ADORA2B: variants seen among roughly 807,000 people sequenced by gnomAD.
ADORA2B encodes adenosine receptor A2b.
Under a neutral mutation model 20.8 loss-of-function variants are expected in ADORA2B, and 18 were observed. That is an observed-to-expected ratio of 0.87 (90% CI 0.60 to 1.29). The LOEUF is 1.29. Ranked by LOEUF, ADORA2B falls within the 50% of genes most tolerant of loss-of-function variation. The pLI is 0.00. For missense variants in ADORA2B, 441 were observed against 422.7 expected (o/e 1.04, Z -0.38); for synonymous variants, 179 against 178.3 (o/e 1.00, Z -0.03).
At chr17:15,871,809 C>A in the ADORA2B span, among the ~76,000 whole-genome samples, 5 of 152,158 alleles carry the variant, frequency 3.3e-5, no homozygotes, top group Non-Finnish European at 7.3e-5. Context: ...TAACGCCCTG[C>A]GCCTTTTCCC....
the ADORA2B span, among the ~76,000 whole-genome samples, chr17:15,872,296 G>A: frequency 0.01 from 1,569 of 152,288 alleles, 34 homozygotes; most frequent in African/African-American, 0.035. Flanking sequence ...TTTTATACCA[G>A]TACCATGCCG....
At chr17:15,915,320 A>G in the ADORA2B span, among the ~76,000 whole-genome samples, 388 of 152,338 alleles carry the variant, frequency 2.5e-3, 4 homozygotes, top group African/African-American at 8.9e-3. Flanking sequence ...GATTGGGCCT[A>G]TCTGGAGAAT....
chr17:15,880,659 GAGA>G, the ADORA2B span, among the ~76,000 whole-genome samples: 2 of 151,934 alleles, frequency 1.3e-5, no homozygotes, highest in Non-Finnish European at 2.9e-5. Context: ...AGGGTGAACA[GAGA>G]AGGACAGATG....
intron 1 of ADORA2B, among the ~76,000 whole-genome samples, chr17:15,945,928 G>C (rs986160763): frequency 3.9e-5 from 6 of 151,996 alleles, no homozygotes; most frequent in Non-Finnish European, 7.4e-5. Flanking sequence ...GGTGGAGCCC[G>C]GGGCGCGGGA....
the ADORA2B span, among the ~76,000 whole-genome samples, chr17:15,893,707 A>G: frequency 6.6e-6 from 1 of 152,244 alleles, no homozygotes; most frequent in African/African-American, 2.4e-5. Flanking sequence ...TAGACAGCAC[A>G]GTGTCTATTA....
chr17:15,916,570 A>G, the ADORA2B span, among the ~76,000 whole-genome samples: 1 of 152,172 alleles, frequency 6.6e-6, no homozygotes, highest in African/African-American at 2.4e-5. Context: ...GTCGGTAATT[A>G]GAACAGAACA....
the ADORA2B span, among the ~76,000 whole-genome samples, chr17:15,886,037 A>G: frequency 2.0e-4 from 30 of 152,142 alleles, no homozygotes; most frequent in African/African-American, 6.8e-4. Flanking sequence ...TTTGGGTGAA[A>G]CCATATACCA....
intron 1 of ADORA2B, among the ~76,000 whole-genome samples, chr17:15,970,376 C>T (rs968904891): frequency 6.6e-6 from 1 of 152,170 alleles, no homozygotes; most frequent in African/African-American, 2.4e-5. Context: ...TCGGATCCAG[C>T]AGCTATGAGA....
intron 1 of ADORA2B, among the ~76,000 whole-genome samples, chr17:15,953,478 G>T (rs1359445145): frequency 7.2e-5 from 11 of 152,180 alleles, no homozygotes; most frequent in Non-Finnish European, 2.9e-5. Flanking sequence ...GGGCGCTCTG[G>T]GCTGAGCCCT....
chr17:15,964,834 GGCGA>G (rs1970086318), intron 1 of ADORA2B, among the ~76,000 whole-genome samples: 1 of 151,858 alleles, frequency 6.6e-6, no homozygotes, highest in Non-Finnish European at 1.5e-5. Context: ...GGCCAAGGTG[GGCGA>G]ATCACGAGGT....
the ADORA2B span, among the ~76,000 whole-genome samples, chr17:15,931,568 G>C: frequency 3.3e-5 from 5 of 152,208 alleles, no homozygotes; most frequent in African/African-American, 9.6e-5. Flanking sequence ...TACTTAACCA[G>C]CTATGTGTGG....
At chr17:15,939,047 A>T in the ADORA2B span, among the ~76,000 whole-genome samples, 1 of 151,892 alleles carries the variant, frequency 6.6e-6, no homozygotes, top group Non-Finnish European at 1.5e-5. Flanking sequence ...TATTTATATT[A>T]TTTATTTTTT....
chr17:15,953,035 G>A (rs960438454), intron 1 of ADORA2B, among the ~76,000 whole-genome samples: 1 of 152,242 alleles, frequency 6.6e-6, no homozygotes, highest in African/African-American at 2.4e-5. Flanking sequence ...CTCAGTCTAG[G>A]CTGAGGGGCA....
chr17:15,882,005 G>T, the ADORA2B span, among the ~76,000 whole-genome samples: 1 of 152,156 alleles, frequency 6.6e-6, no homozygotes, highest in East Asian at 1.9e-4. Flanking sequence ...TTTCTCAGAG[G>T]CATGGAACGC....
chr17:15,964,717 A>C (rs1460437895), intron 1 of ADORA2B, among the ~76,000 whole-genome samples: 1 of 151,100 alleles, frequency 6.6e-6, no homozygotes, highest in Non-Finnish European at 1.5e-5. Context: ...TAAAAAAAAA[A>C]CCTTTTATAG....
chr17:15,917,720 G>T, the ADORA2B span, among the ~76,000 whole-genome samples: 1 of 152,242 alleles, frequency 6.6e-6, no homozygotes, highest in Admixed American at 6.5e-5. Context: ...TCCTGCCCCT[G>T]CCTAGCCTGG....
chr17:15,901,511 G>A, the ADORA2B span, among the ~76,000 whole-genome samples: 1 of 151,758 alleles, frequency 6.6e-6, no homozygotes, highest in Non-Finnish European at 1.5e-5. Context: ...TACATGAAAA[G>A]CACTTTTTTT....
the ADORA2B span, among the ~76,000 whole-genome samples, chr17:15,914,869 C>T: frequency 2.0e-5 from 3 of 152,328 alleles, no homozygotes; most frequent in African/African-American, 7.2e-5. Flanking sequence ...GACTTTAGAT[C>T]CTAACTTCTT....
At chr17:15,964,779 T>A (rs1442973996) in intron 1 of ADORA2B, among the ~76,000 whole-genome samples, 2 of 148,984 alleles carry the variant, frequency 1.3e-5, no homozygotes, top group Non-Finnish European at 1.5e-5. Context: ...AAAAAAAATC[T>A]GGCCGGGCGC....
Sources: gnomAD v4.1 joint callset for allele counts (sites outside exome capture counted in the v4.1 genomes callset) on GRCh38, gnomAD v4.1.1 for gene constraint, MANE v1.5 for transcripts, NCBI Gene and HGNC (gene_info 2026-07-23, HGNC 2026-07-21) for gene names.